ADGRL3: variants seen among roughly 807,000 people sequenced by gnomAD.
ADGRL3 encodes the protein calcium-independent alpha-latrotoxin receptor 3.
ADGRL3 carries 62 observed loss-of-function variants against 153.5 expected under a neutral mutation model. The observed-to-expected ratio is 0.40, with a 90% CI of 0.33 to 0.50. The LOEUF (loss-of-function observed/expected upper bound fraction) is 0.50, where lower values mean the gene tolerates loss of function less well. Ranked by LOEUF, ADGRL3 falls within the 20% of genes least tolerant of loss-of-function variation. The pLI is 0.47. For synonymous variants in ADGRL3, 710 were observed against 672.5 expected (o/e 1.06, Z -0.86); for missense variants, 1,641 against 1,859.4 (o/e 0.88, Z 2.16).
At chr4:61,686,655 T>C (rs2151061794) in intron 6 of ADGRL3, among the ~76,000 whole-genome samples, 1 of 152,190 alleles carries the variant, frequency 6.6e-6, no homozygotes, top group South Asian at 2.1e-4. Flanking sequence ...TTCAAAATAC[T>C]CTCTTCCATC....
At chr4:61,848,624 A>T (rs1262334242) in intron 9 of ADGRL3, among the ~76,000 whole-genome samples, 1 of 152,112 alleles carries the variant, frequency 6.6e-6, no homozygotes, top group Non-Finnish European at 1.5e-5. Flanking sequence ...TTTTTGAGGG[A>T]CACAATTCAA....
chr4:61,537,268 A>G (rs1348888343), intron 4 of ADGRL3, among the ~76,000 whole-genome samples: 1 of 151,328 alleles, frequency 6.6e-6, no homozygotes, highest in East Asian at 1.9e-4. Context: ...GTTTGTTGGA[A>G]TTTCCTTAAT....
intron 18 of ADGRL3, 91 bp downstream of exon 18, chr4:61,979,863 T>A (rs2099061450): frequency 9.2e-7 from 1 of 1,088,204 alleles, no homozygotes. Flanking sequence ...TTTGAAAGTA[T>A]CATTTCTTCT....
At chr4:61,971,977 A>T (rs576862649) in intron 17 of ADGRL3, among the ~76,000 whole-genome samples, 5 of 151,876 alleles carry the variant, frequency 3.3e-5, no homozygotes, top group Admixed American at 3.3e-4. Flanking sequence ...ATCTGTTCAT[A>T]TCCTTTGCCC....
At position 61,902,944 on chromosome 4, in the gene ADGRL3, C is replaced by T. The variant is rs1209251035; in HGVS notation, c.1888-6616C>T. ...TCTTACTAGAAAATATTTTATTCAA[C>T]ACTGACCTTAGCACAGGACTGTAGA... On this transcript the variant is annotated intron_variant, in intron 11 of 26. Coordinates refer to ENST00000683033, the MANE Select transcript of ADGRL3 (RefSeq NM_001387552.1). Among the ~76,000 whole-genome samples the T allele has an allele frequency of 3.9e-5, 6 of 152,236 alleles. No homozygotes were observed. In the East Asian group the frequency reaches 7.7e-4, roughly 20 times the overall value.
intron 2 of ADGRL3, among the ~76,000 whole-genome samples, chr4:61,458,606 T>C (rs1261197958): frequency 6.6e-6 from 1 of 151,588 alleles, no homozygotes; most frequent in Non-Finnish European, 1.5e-5. Flanking sequence ...GACTCCCAGA[T>C]ATCAACTTAT....
intron 2 of ADGRL3, among the ~76,000 whole-genome samples, chr4:61,465,705 A>G (rs571557449): frequency 6.8e-6 from 1 of 147,438 alleles, no homozygotes; most frequent in African/African-American, 2.5e-5. Context: ...GGACAAACCA[A>G]CATAGTTTAT....
chr4:61,454,634 C>G (rs2097713422), intron 2 of ADGRL3, among the ~76,000 whole-genome samples: 1 of 152,060 alleles, frequency 6.6e-6, no homozygotes, highest in Non-Finnish European at 1.5e-5. Context: ...TTTGGCTAAA[C>G]AAGTGGTAAG....
chr4:61,554,253 G>A (rs1428684393), intron 4 of ADGRL3, among the ~76,000 whole-genome samples: 1 of 151,252 alleles, frequency 6.6e-6, no homozygotes, highest in Non-Finnish European at 1.5e-5. Flanking sequence ...GAGTGCAGTG[G>A]CGCATTCTTG....
intron 1 of ADGRL3, among the ~76,000 whole-genome samples, chr4:61,273,560 TTAAAAG>T (rs1340725005): frequency 6.6e-6 from 1 of 152,094 alleles, no homozygotes; most frequent in African/African-American, 2.4e-5. Context: ...CTAGCCAACG[TTAAAAG>T]AAAAAGAAAA....
chr4:61,962,984 G>A (rs542313908), intron 17 of ADGRL3, among the ~76,000 whole-genome samples: 6 of 152,102 alleles, frequency 3.9e-5, no homozygotes, highest in African/African-American at 1.4e-4. Flanking sequence ...AACTATAGAG[G>A]ATGCTGTGGA....
intron 4 of ADGRL3, among the ~76,000 whole-genome samples, chr4:61,561,164 G>A (rs1411755082): frequency 6.6e-6 from 1 of 152,086 alleles, no homozygotes; most frequent in East Asian, 1.9e-4. Context: ...CTATTAGGAT[G>A]CAATGCTTCA....
chr4:61,436,890 C>CAAA (rs74715349), intron 2 of ADGRL3, among the ~76,000 whole-genome samples: 31 of 143,046 alleles, frequency 2.2e-4, no homozygotes, highest in East Asian at 9.8e-4. Flanking sequence ...TACTTGATAT[C>CAAA]AAAAAAAAGG....
chr4:61,384,717 G>T (rs2096715585), intron 2 of ADGRL3, among the ~76,000 whole-genome samples: 1 of 151,478 alleles, frequency 6.6e-6, no homozygotes, highest in African/African-American at 2.4e-5. Context: ...TTTTTAATCA[G>T]CACTCCAGTA....
At chr4:61,318,351 T>C (rs1274888840) in intron 1 of ADGRL3, among the ~76,000 whole-genome samples, 1 of 152,080 alleles carries the variant, frequency 6.6e-6, no homozygotes, top group East Asian at 1.9e-4. Context: ...ACTCAAGATA[T>C]GAATTTTAGC....
intron 5 of ADGRL3, among the ~76,000 whole-genome samples, chr4:61,627,561 C>T (rs1395495876): frequency 6.6e-6 from 1 of 152,124 alleles, no homozygotes; most frequent in Admixed American, 6.5e-5. Flanking sequence ...GCGGAGGTTG[C>T]AGTGCGCTGT....
At chr4:61,821,565 GT>G (rs934282244) in intron 9 of ADGRL3, among the ~76,000 whole-genome samples, 1 of 151,680 alleles carries the variant, frequency 6.6e-6, no homozygotes, top group Admixed American at 6.6e-5. Flanking sequence ...ATTTTGTTGG[GT>G]TTTTTTATAG....
chr4:61,820,529 C>G (rs185969905), intron 9 of ADGRL3, among the ~76,000 whole-genome samples: 1 of 152,228 alleles, frequency 6.6e-6, no homozygotes, highest in East Asian at 1.9e-4. Context: ...TTCCTCTTGC[C>G]ATACGTCTCA....
chr4:61,496,962 A>G lies in ADGRL3; in HGVS notation c.-173-159A>G, dbSNP rs7680074. 7.4e-3 allele frequency among the ~76,000 whole-genome samples: 1,127 copies of G among 151,634 alleles called. 16 individuals are homozygous for G. The highest frequency in any genetic ancestry group is 0.025 in the African/African-American group (1,036 of 41,366). On this transcript the variant is annotated intron_variant, in intron 2 of 26. Coordinates refer to ENST00000683033, the MANE Select transcript of ADGRL3 (RefSeq NM_001387552.1). ...TCTTAAAAAAAAAAAAAAAATCAGT[A>G]TATTTCAGTTAATTTGCTCAGTAGA...
Sources: gnomAD v4.1 joint callset for allele counts (sites outside exome capture counted in the v4.1 genomes callset) on GRCh38, gnomAD v4.1.1 for gene constraint, MANE v1.5 for transcripts, NCBI Gene and HGNC (gene_info 2026-07-23, HGNC 2026-07-21) for gene names.